The following UBR3 variants were observed in gnomAD, a reference collection of about 807,000 sequenced individuals.
UBR3 encodes the protein ubiquitin protein ligase E3 component n-recognin 3, also known as E3 ubiquitin-protein ligase UBR3.
Under a neutral mutation model 243.2 loss-of-function variants are expected in UBR3, and 85 were observed. The ratio of observed to expected loss-of-function variants is 0.35; its 90% CI spans 0.29 to 0.42. UBR3 has a LOEUF of 0.42. UBR3 is among the 10% of genes least tolerant of loss of function. The pLI is 1.00. For synonymous variants in UBR3, 748 were observed against 799.8 expected, an observed-to-expected ratio of 0.94 and a Z score of 1.09; for missense variants, 1,686 against 2,300.8, an observed-to-expected ratio of 0.73 and a Z score of 5.47.
At chr2:169,940,865 T>C (rs1280303422) in intron 19 of UBR3, among the ~76,000 whole-genome samples, 1 of 152,200 alleles carries the variant, frequency 6.6e-6, no homozygotes, top group East Asian at 1.9e-4. Context: ...ATAAGTAATT[T>C]ATAGATTTTA....
At chr2:169,895,984 A>G (rs1286349170) in intron 7 of UBR3, among the ~76,000 whole-genome samples, 1 of 152,022 alleles carries the variant, frequency 6.6e-6, no homozygotes, top group Non-Finnish European at 1.5e-5. Flanking sequence ...GAAAATGTAC[A>G]TGTAAAGGAA....
intron 10 of UBR3, among the ~76,000 whole-genome samples, chr2:169,911,012 T>G (rs951230927): frequency 1.1e-4 from 17 of 152,142 alleles, no homozygotes; most frequent in African/African-American, 3.9e-4. Context: ...ATATAAAACT[T>G]AAGGATTAAG....
At chr2:170,041,480 T>C (rs2090967281) in intron 32 of UBR3, among the ~76,000 whole-genome samples, 1 of 152,172 alleles carries the variant, frequency 6.6e-6, no homozygotes, top group African/African-American at 2.4e-5. Context: ...TATTTTGATA[T>C]AGTAGTAATT....
rs778769277 is a variant in UBR3 at position 170,061,039 on chromosome 2, T to G, written c.4786-40T>G. The G allele has an allele frequency of 6.9e-6, 9 of 1,313,612 alleles. No homozygotes were observed. The African/African-American group carries it at 1.4e-4, about 20-fold the overall frequency. 81.4% of individuals were successfully genotyped at this position (1,313,612 alleles called of 1,614,324 possible). ...TATTTCCAATGTAAATTTTTTATAA[T>G]TTTCAGTGACCAGTGTAACCAATAT... On this transcript the variant is annotated intron_variant, in intron 33 of 38. Coordinates refer to ENST00000272793, the MANE Select transcript of UBR3 (RefSeq NM_172070.4).
intron 11 of UBR3, among the ~76,000 whole-genome samples, chr2:169,917,966 G>T (rs924510028): frequency 6.6e-6 from 1 of 152,188 alleles, no homozygotes; most frequent in African/African-American, 2.4e-5. Flanking sequence ...GCCTCCCAAA[G>T]TTCTGGGATG....
intron 1 of UBR3, among the ~76,000 whole-genome samples, chr2:169,858,166 A>G (rs1417527537): frequency 1.3e-5 from 2 of 152,182 alleles, no homozygotes; most frequent in Admixed American, 1.3e-4. Context: ...TCATGAGGTT[A>G]TAATAAAAAT....
chr2:169,869,227 T>G lies in UBR3; in HGVS notation c.546-3009T>G, dbSNP rs951123325. ...CTAAGATTGATAAGGTTTTTTTTTT[T>G]TTTTTTTTTTTTGAGATGGAGTCTT... On this transcript the variant is annotated intron_variant, in intron 1 of 38. Transcript: ENST00000272793. Among the ~76,000 whole-genome samples the G allele has an allele frequency of 3.5e-5, 5 of 141,006 alleles. No individual in the cohort carries two copies. In the Admixed American group the frequency reaches 3.6e-4, roughly 10 times the overall value. The allele number at this position is 141,006 out of a possible 152,430, so 92.5% of individuals were successfully genotyped here.
At chr2:169,837,172 C>T (rs1276557838) in intron 1 of UBR3, among the ~76,000 whole-genome samples, 3 of 152,088 alleles carry the variant, frequency 2.0e-5, no homozygotes, top group Non-Finnish European at 4.4e-5. Context: ...AGTCTGTTTT[C>T]GCACTGCTAT....
intron 1 of UBR3, among the ~76,000 whole-genome samples, chr2:169,851,836 CAA>C (rs139828838): frequency 1.2e-4 from 11 of 90,470 alleles, no homozygotes; most frequent in Admixed American, 1.3e-4. Context: ...GGCTCCGTCT[CAA>C]AAAAAAAAAA....
chr2:169,984,125 A>G (rs1177575132), intron 24 of UBR3, among the ~76,000 whole-genome samples: 1 of 152,054 alleles, frequency 6.6e-6, no homozygotes, highest in Non-Finnish European at 1.5e-5. Context: ...CACATCATTT[A>G]GATTTTTTTT....
intron 24 of UBR3, among the ~76,000 whole-genome samples, chr2:169,981,102 C>T (rs1164315311): frequency 6.6e-6 from 1 of 151,940 alleles, no homozygotes; most frequent in East Asian, 1.9e-4. Context: ...TGAGTATATA[C>T]TAGTATAAAT....
chr2:170,056,822 G>T (rs1291761625), intron 33 of UBR3, among the ~76,000 whole-genome samples: 1 of 152,006 alleles, frequency 6.6e-6, no homozygotes, highest in Non-Finnish European at 1.5e-5. Flanking sequence ...CTTAATTATG[G>T]GTTAAGAATA....
At chr2:169,993,036 C>T (rs2089339446) in intron 25 of UBR3, among the ~76,000 whole-genome samples, 1 of 152,192 alleles carries the variant, frequency 6.6e-6, no homozygotes, top group South Asian at 2.1e-4. Context: ...GCTGGGTTTA[C>T]AGGCATGAGC....
intron 32 of UBR3, among the ~76,000 whole-genome samples, chr2:170,041,204 C>T (rs2105432041): frequency 6.6e-6 from 1 of 152,248 alleles, no homozygotes; most frequent in East Asian, 1.9e-4. Flanking sequence ...GAAGTAAATA[C>T]AGCAGTAAGT....
chr2:170,062,904 A>G (rs183508063), intron 35 of UBR3, among the ~76,000 whole-genome samples: 3 of 152,328 alleles, frequency 2.0e-5, no homozygotes, highest in East Asian at 1.9e-4. Flanking sequence ...TACATTCAAT[A>G]TGTTGCATAG....
At chr2:169,902,708 C>G (rs13016365) in intron 8 of UBR3, among the ~76,000 whole-genome samples, 1 of 151,170 alleles carries the variant, frequency 6.6e-6, no homozygotes, top group African/African-American at 2.4e-5. Context: ...CTCCCGGGTT[C>G]AAGTGATTCT....
At chr2:169,833,427 A>G (rs991194812) in intron 1 of UBR3, among the ~76,000 whole-genome samples, 3 of 152,216 alleles carry the variant, frequency 2.0e-5, no homozygotes, top group African/African-American at 4.8e-5. Flanking sequence ...ACATTTTGCT[A>G]TTAGCCAGAG....
At chr2:169,969,576 T>G (rs1193998412) in intron 24 of UBR3, among the ~76,000 whole-genome samples, 2 of 151,218 alleles carry the variant, frequency 1.3e-5, no homozygotes, top group Admixed American at 6.6e-5. Flanking sequence ...TTAGATGGAT[T>G]CTTGCTCTGT....
At chr2:169,956,414 CTG>C (rs777375694) in intron 23 of UBR3, among the ~76,000 whole-genome samples, 36 of 151,916 alleles carry the variant, frequency 2.4e-4, no homozygotes, top group Non-Finnish European at 4.0e-4. Context: ...TCCTGACACT[CTG>C]TGCTAGGACA....
Sources: gnomAD v4.1 joint callset for allele counts (sites outside exome capture counted in the v4.1 genomes callset) on GRCh38, gnomAD v4.1.1 for gene constraint, MANE v1.5 for transcripts, NCBI Gene and HGNC (gene_info 2026-07-23, HGNC 2026-07-21) for gene names.